FAM13B: variants seen among roughly 807,000 people sequenced by gnomAD.
The protein encoded by FAM13B is family with sequence similarity 13 member B.
Under a neutral mutation model 117.3 loss-of-function variants are expected in FAM13B, and 60 were observed. The observed-to-expected ratio is 0.51, with a 90% CI of 0.42 to 0.63. FAM13B has a LOEUF of 0.63. Ranked by LOEUF, FAM13B falls within the 30% of genes least tolerant of loss-of-function variation. The pLI is 0.00. For missense variants in FAM13B, 972 were observed against 1,091.9 expected (o/e 0.89, Z 1.55); for synonymous variants, 332 against 356.1 (o/e 0.93, Z 0.76).
Position 137,964,716 on chromosome 5 carries a change from G to A in FAM13B, c.1180-2247C>T, listed in dbSNP as rs138775506. ...AGTCTGGGTGACAGTACAAGACTCCGTCACAAACAAACAAACAGAACCTTG... is the reference window on the plus strand; with the variant it reads ...AGTCTGGGTGACAGTACAAGACTCCATCACAAACAAACAAACAGAACCTTG... On this transcript the variant is annotated intron_variant, in intron 10 of 23. Transcript: ENST00000689681. Among the ~76,000 whole-genome samples, 128 of 152,084 alleles carry A rather than the reference G, an allele frequency of 8.4e-4. 1 individual carries two copies. The East Asian group carries it at 0.021, about 25-fold the overall frequency.
intron 1 of FAM13B, among the ~76,000 whole-genome samples, chr5:138,047,825 G>A (rs142210850): frequency 4.5e-4 from 68 of 152,324 alleles, no homozygotes; most frequent in African/African-American, 1.5e-3. Flanking sequence ...CAAGCAAACA[G>A]ATTCTTTCCT....
In FAM13B at chr5:137,938,403, C is replaced by G. The variant is rs1316277876; in HGVS notation, c.*1822G>C. Reference sequence around the variant, plus strand: ...AAATAAAACATTCATATAAGATACACAGTGCACATAAAATTAGATGTTTGG... The same window carrying G: ...AAATAAAACATTCATATAAGATACAGAGTGCACATAAAATTAGATGTTTGG... On this transcript the variant is annotated 3_prime_UTR_variant, in exon 24 of 24. Transcript: ENST00000689681. 2 of 152,562 alleles carry G rather than the reference C, an allele frequency of 1.3e-5. No homozygotes were observed. Among genetic ancestry groups the G allele is most frequent in the Non-Finnish European group, 2.9e-5 (2 of 68,026 alleles). 9.5% of individuals were successfully genotyped at this position (152,562 alleles called of 1,614,324 possible). A position where few individuals can be genotyped will look rare whatever the true frequency, so the allele number is the denominator to read the frequency against.
Position 137,985,259 on chromosome 5 carries a change from G to A in FAM13B, c.1177C>T (p.Gln393Ter), listed in dbSNP as rs1415609862. 1 of 1,612,192 alleles carries A rather than the reference G, an allele frequency of 6.2e-7. No homozygotes were observed. The highest frequency in any genetic ancestry group is 8.5e-7 in the Non-Finnish European group (1 of 1,179,438). ...DCVFENEENT[Q>*]SVGILLEPCS... ...CACATATTTTTGACATTCCTTACCT[G>A]GGTATTTTCTTCATTCTCAAATACA... The change falls in exon 10 of 24, where the codon CAG (glutamine) becomes TAG (stop). Residue 393 changes from glutamine (Q) to a stop codon, truncating the protein, a stop_gained and splice_region_variant. Transcript: ENST00000689681. LOFTEE classifies it high-confidence loss of function.
At chr5:137,971,490 A>G (rs1772127324) in intron 10 of FAM13B, among the ~76,000 whole-genome samples, 1 of 147,818 alleles carries the variant, frequency 6.8e-6, no homozygotes, top group Non-Finnish European at 1.5e-5. Context: ...ATAGCACTAA[A>G]TGTCCACAAG....
At chr5:138,026,450 A>G (rs1788393634) in intron 1 of FAM13B, among the ~76,000 whole-genome samples, 1 of 150,924 alleles carries the variant, frequency 6.6e-6, no homozygotes, top group African/African-American at 2.4e-5. Flanking sequence ...ACATGGCAAA[A>G]CCCCGTTTCT....
chr5:137,942,881 G>T lies in FAM13B; in HGVS notation c.2582C>A (p.Ala861Asp), dbSNP rs569813257. ...LDLRLSSSRA[A>D]SMPELLEQLW... ...CACAAATCAGCATACATACATAGAA[G>T]CTGCTCGAGAACTTGACAATCGGAG... The change falls in exon 22 of 24, where the codon GCT becomes GAT. Residue 861 changes from alanine to aspartate, a missense_variant. Transcript: ENST00000689681. 2.5e-6 allele frequency: 4 copies of T among 1,604,484 alleles called. No individual in the cohort carries two copies. The Admixed American group carries it at 5.3e-5, about 21-fold the overall frequency.
At chr5:138,040,343 G>A (rs1364598975) in intron 1 of FAM13B, among the ~76,000 whole-genome samples, 1 of 150,742 alleles carries the variant, frequency 6.6e-6, no homozygotes, top group African/African-American at 2.4e-5. Flanking sequence ...GCCGAGGCGG[G>A]CCGATCACAA....
In FAM13B at chr5:137,945,927, G is replaced by C. The variant is rs771944306; in HGVS notation, c.2315C>G (p.Thr772Arg). The change falls in exon 20 of 24, where the codon ACA becomes AGA. Residue 772 changes from threonine to arginine, a missense_variant. By Grantham distance (71) the Thr-to-Arg change is moderately conservative. Coordinates refer to ENST00000689681, the MANE Select transcript of FAM13B (RefSeq NM_001385994.1). Reference protein sequence around the residue: ...DRYRLVKQMLTRASITPVLGS... With the variant: ...DRYRLVKQMLRRASITPVLGS... Reference sequence around the variant, plus strand: ...AAGGACAGGAGTGATGCTAGCTCTTGTCAGCATTTGTTTTACAAGCCTGTA... The same window carrying C: ...AAGGACAGGAGTGATGCTAGCTCTTCTCAGCATTTGTTTTACAAGCCTGTA... The C allele has an allele frequency of 6.2e-7, 1 of 1,613,084 alleles. No individual in the cohort carries two copies. Among genetic ancestry groups the C allele is most frequent in the East Asian group, 2.2e-5 (1 of 44,822 alleles).
chr5:137,946,517 A>T, intron 18 of FAM13B: 2 of 476,870 alleles, frequency 4.2e-6, no homozygotes, highest in Non-Finnish European at 7.3e-6. Context: ...TCTTATAATA[A>T]GTAGGTACCA....
chr5:137,959,978 A>G (rs888891203), intron 12 of FAM13B, among the ~76,000 whole-genome samples, 188 bp downstream of exon 12: 2 of 152,326 alleles, frequency 1.3e-5, no homozygotes, highest in South Asian at 2.1e-4. Flanking sequence ...CAAATTCAGG[A>G]AAGTGTTTTC....
At chr5:138,003,502 C>T (rs1220234542) in intron 7 of FAM13B, among the ~76,000 whole-genome samples, 1 of 151,996 alleles carries the variant, frequency 6.6e-6, no homozygotes, top group Non-Finnish European at 1.5e-5. Context: ...AGATATTAAC[C>T]GAAACACATA....
intron 4 of FAM13B, among the ~76,000 whole-genome samples, chr5:138,016,396 A>G (rs779019168): frequency 1.3e-5 from 2 of 152,234 alleles, no homozygotes; most frequent in Non-Finnish European, 2.9e-5. Flanking sequence ...AAACTGAGAC[A>G]GGAGGATCAC....
intron 7 of FAM13B, among the ~76,000 whole-genome samples, chr5:137,999,311 C>T (rs1780614053): frequency 6.6e-6 from 1 of 152,052 alleles, no homozygotes; most frequent in South Asian, 2.1e-4. Flanking sequence ...GGCGCAGTGG[C>T]TCATGCCTGT....
intron 1 of FAM13B, among the ~76,000 whole-genome samples, chr5:138,025,807 C>T (rs1432751986): frequency 6.6e-6 from 1 of 152,036 alleles, no homozygotes; most frequent in Admixed American, 6.6e-5. Flanking sequence ...GCATAAAAAC[C>T]CTGATTAACA....
At chr5:138,034,597 T>A (rs1202601395), upstream of FAM13B, among the ~76,000 whole-genome samples, 1 of 152,234 alleles carries the variant, frequency 6.6e-6, no homozygotes, top group Admixed American at 6.5e-5. Context: ...CTGGGTTGAA[T>A]TGTTTTATCC....
At chr5:138,044,695 A>G (rs1191156439) in intron 1 of FAM13B, among the ~76,000 whole-genome samples, 1 of 152,242 alleles carries the variant, frequency 6.6e-6, no homozygotes, top group Admixed American at 6.5e-5. Context: ...TTCAAGCCAA[A>G]AGACTGGAAA....
chr5:138,031,261 TGAATTATGCCACTGCA>T (rs1408343786), intron 1 of FAM13B, among the ~76,000 whole-genome samples: 1 of 152,168 alleles, frequency 6.6e-6, no homozygotes, highest in African/African-American at 2.4e-5. Context: ...CACCACCCAA[TGAATTATGCCACTGCA>T]ATATGCCCTT....
chr5:137,947,248 G>A (rs1415005072), intron 18 of FAM13B, among the ~76,000 whole-genome samples: 1 of 151,988 alleles, frequency 6.6e-6, no homozygotes, highest in Non-Finnish European at 1.5e-5. Flanking sequence ...GAGTAAAATT[G>A]AAGATTAAAA....
intron 20 of FAM13B, 134 bp downstream of exon 20, chr5:137,945,768 A>C: frequency 3.3e-6 from 2 of 601,782 alleles, no homozygotes; most frequent in Non-Finnish European, 5.6e-6. Context: ...TTTTAAAATC[A>C]GTAATCTCAC....
Sources: gnomAD v4.1 joint callset for allele counts (sites outside exome capture counted in the v4.1 genomes callset) on GRCh38, gnomAD v4.1.1 for gene constraint, MANE v1.5 for transcripts, NCBI Gene and HGNC (gene_info 2026-07-23, HGNC 2026-07-21) for gene names.